CACNA2D1: variants seen among roughly 807,000 people sequenced by gnomAD.
CACNA2D1 encodes calcium voltage-gated channel auxiliary subunit alpha2delta 1, also known as voltage-dependent calcium channel subunit alpha-2/delta-1.
Under a neutral mutation model 171.5 loss-of-function variants are expected in CACNA2D1, and 53 were observed. That is an observed-to-expected ratio of 0.31 (90% confidence interval 0.25 to 0.39). The LOEUF (loss-of-function observed/expected upper bound fraction) is 0.39. Among genes scored for constraint, CACNA2D1 ranks in the 10% least tolerant of loss-of-function variants. CACNA2D1 has a pLI of 1.00. For missense variants in CACNA2D1, 903 were observed against 1,299.8 expected, an observed-to-expected ratio of 0.69 and a Z score of 4.69; for synonymous variants, 442 against 443.1, an observed-to-expected ratio of 1.00 and a Z score of 0.03.
intron 7 of CACNA2D1, among the ~76,000 whole-genome samples, chr7:82,080,318 T>A (rs1809594049): frequency 6.6e-6 from 1 of 152,076 alleles, no homozygotes; most frequent in Admixed American, 6.6e-5. Flanking sequence ...TTTCAATAGC[T>A]CTGTGGCAAG....
At chr7:82,008,723 T>C (rs1254775398) in intron 15 of CACNA2D1, among the ~76,000 whole-genome samples, 2 of 152,146 alleles carry the variant, frequency 1.3e-5, no homozygotes, top group Non-Finnish European at 2.9e-5. Flanking sequence ...AACAGAGTTC[T>C]GGAATCAGAA....
At chr7:82,136,871 T>C (rs1791681291) in intron 4 of CACNA2D1, among the ~76,000 whole-genome samples, 195 bp from the exon 5 acceptor site, 1 of 152,174 alleles carries the variant, frequency 6.6e-6, no homozygotes, top group Non-Finnish European at 1.5e-5. Flanking sequence ...TATTACATCT[T>C]GCATTGGGAA....
chr7:82,012,598 G>A (rs1799932054), intron 14 of CACNA2D1, among the ~76,000 whole-genome samples: 1 of 152,048 alleles, frequency 6.6e-6, no homozygotes, highest in Non-Finnish European at 1.5e-5. Flanking sequence ...TTACTGCGTG[G>A]AATTGCACAA....
At position 82,051,044 on chromosome 7, in the gene CACNA2D1, C is replaced by A. The variant is rs1349630464; in HGVS notation, c.879+9384G>T. 1.8e-5 allele frequency: 3 copies of A among 169,476 alleles called. No individual in the cohort carries two copies. The East Asian group carries it at 4.6e-4, about 26-fold the overall frequency. The allele number at this position is 169,476 out of a possible 1,614,324, so 10.5% of individuals were successfully genotyped here. On this transcript the variant is annotated intron_variant, in intron 10 of 38. Coordinates refer to ENST00000356860, the MANE Select transcript of CACNA2D1 (RefSeq NM_000722.4). ...TGTCCATGCAGGGATAACGTGTTGG[C>A]AGGATCATTCCATCGCGTTGCTCTT...
At chr7:82,052,874 A>G (rs1010645340) in intron 10 of CACNA2D1, among the ~76,000 whole-genome samples, 3 of 152,196 alleles carry the variant, frequency 2.0e-5, no homozygotes, top group Admixed American at 6.5e-5. Context: ...TATCCGCAAT[A>G]TTAAGAATAG....
At chr7:82,011,940 C>T (rs1466367847) in intron 15 of CACNA2D1, 1 of 507,356 alleles carries the variant, frequency 2.0e-6, no homozygotes, top group East Asian at 3.3e-5. Flanking sequence ...ATCAAGTAGA[C>T]AATAAGCTAA....
chr7:81,963,998 CT>C, intron 34 of CACNA2D1, 57 bp downstream of exon 34: 1 of 1,408,730 alleles, frequency 7.1e-7, no homozygotes, highest in African/African-American at 1.4e-5. Context: ...TCATCAGATG[CT>C]TTTTTATTTT....
intron 1 of CACNA2D1, among the ~76,000 whole-genome samples, chr7:82,415,280 T>C (rs1446584998): frequency 1.3e-5 from 2 of 152,096 alleles, no homozygotes; most frequent in Non-Finnish European, 2.9e-5. Context: ...ACATCTGTAA[T>C]CCCAGCACTT....
intron 35 of CACNA2D1, 32 bp from the exon 36 acceptor site, chr7:81,962,055 G>C: frequency 6.2e-7 from 1 of 1,609,888 alleles, no homozygotes; most frequent in Non-Finnish European, 8.5e-7. Context: ...TAAAAACAAA[G>C]AACACCATTA....
At chr7:82,202,687 T>A (rs886307032) in intron 3 of CACNA2D1, among the ~76,000 whole-genome samples, 3 of 152,012 alleles carry the variant, frequency 2.0e-5, no homozygotes, top group Non-Finnish European at 4.4e-5. Flanking sequence ...CCTGGAGGCC[T>A]GGCTACAGAA....
intron 5 of CACNA2D1, among the ~76,000 whole-genome samples, chr7:82,129,559 G>A (rs1376071622): frequency 6.6e-6 from 1 of 152,058 alleles, no homozygotes; most frequent in Admixed American, 6.5e-5. Context: ...TTGTTTCAGT[G>A]GTTTTCATTT....
At chr7:82,013,409 A>C (rs2130939426) in intron 14 of CACNA2D1, 52 bp downstream of exon 14, 1 of 836,036 alleles carries the variant, frequency 1.2e-6, no homozygotes, top group South Asian at 2.1e-5. Flanking sequence ...TAAACCAGAA[A>C]AATATCTTTT....
At chr7:82,070,103 T>G (rs562684788) in intron 7 of CACNA2D1, among the ~76,000 whole-genome samples, 1 of 152,264 alleles carries the variant, frequency 6.6e-6, no homozygotes, top group East Asian at 1.9e-4. Flanking sequence ...AAAATTTCCA[T>G]AAATTTCAGT....
chr7:82,204,819 G>C (rs997693674), intron 3 of CACNA2D1, among the ~76,000 whole-genome samples: 1 of 152,132 alleles, frequency 6.6e-6, no homozygotes, highest in Non-Finnish European at 1.5e-5. Flanking sequence ...TTGGCCTAGG[G>C]GGTGGAGTGT....
Position 82,443,460 on chromosome 7 carries a change from C to A in CACNA2D1, c.-1G>T. The A allele has an allele frequency of 6.2e-7, 1 of 1,607,370 alleles. No homozygotes were observed. The highest frequency in any genetic ancestry group is 8.5e-7 in the Non-Finnish European group (1 of 1,176,622). Reference sequence around the variant, plus strand: ...AGGCCAGCAGGCAGCCAGCAGCCATCTTCGCGATCGAAGATCAATGCCCCC... The same window carrying A: ...AGGCCAGCAGGCAGCCAGCAGCCATATTCGCGATCGAAGATCAATGCCCCC... On this transcript the variant is annotated 5_prime_UTR_variant, in exon 1 of 39. Coordinates refer to ENST00000356860, the MANE Select transcript of CACNA2D1 (RefSeq NM_000722.4).
intron 1 of CACNA2D1, among the ~76,000 whole-genome samples, chr7:82,399,203 G>A (rs1826070616): frequency 6.6e-6 from 1 of 152,084 alleles, no homozygotes; most frequent in African/African-American, 2.4e-5. Flanking sequence ...TTATTGGGAG[G>A]CCAAGGTGGG....
rs774565705 is a variant in CACNA2D1 at position 82,000,771 on chromosome 7, C to CT, written c.1591-3522dup. Among the ~76,000 whole-genome samples, 191 of 51,964 alleles carry CT rather than the reference C, an allele frequency of 3.7e-3. 13 individuals are homozygous for CT. The highest frequency in any genetic ancestry group is 6.1e-3 in the Non-Finnish European group (168 of 27,698). The allele number at this position is 51,964 out of a possible 152,430, so 34.1% of individuals were successfully genotyped here. On this transcript the variant is annotated intron_variant, in intron 18 of 38. Coordinates refer to ENST00000356860, the MANE Select transcript of CACNA2D1 (RefSeq NM_000722.4). ...TACCATGCCTAACTAATTTTTCTTT[C>CT]TTTTTTTTTTTTTTTTTTTTTTTTT...
intron 1 of CACNA2D1, among the ~76,000 whole-genome samples, chr7:82,441,325 A>C (rs909085602): frequency 6.6e-6 from 1 of 152,074 alleles, no homozygotes; most frequent in Non-Finnish European, 1.5e-5. Flanking sequence ...AATATTGTTA[A>C]GATTACCTAC....
intron 3 of CACNA2D1, among the ~76,000 whole-genome samples, chr7:82,238,103 T>C (rs531917209): frequency 6.6e-6 from 1 of 152,008 alleles, no homozygotes; most frequent in East Asian, 1.9e-4. Context: ...AAGATAGAGG[T>C]CCTGAAACTT....
Sources: allele counts gnomAD v4.1 joint callset (sites outside exome capture counted in the v4.1 genomes callset), GRCh38; gene constraint gnomAD v4.1.1; transcripts MANE v1.5; gene names NCBI Gene and HGNC (gene_info 2026-07-23, HGNC 2026-07-21).